Variants in PBX3 observed in about 807,000 individuals in gnomAD.
PBX3 encodes the protein pre-B-cell leukemia transcription factor 3.
PBX3 carries 14 observed loss-of-function variants against 48.5 expected under a neutral mutation model. That is an observed-to-expected ratio of 0.29 (90% CI 0.19 to 0.45). The LOEUF (loss-of-function observed/expected upper bound fraction) is 0.45, where lower values mean the gene tolerates loss of function less well. PBX3 is among the 20% of genes least tolerant of loss of function. The pLI is 1.00. For synonymous variants in PBX3, 210 were observed against 200.3 expected (o/e 1.05, Z -0.41); for missense variants, 386 against 546.7 (o/e 0.71, Z 2.93).
Position 125,826,621 on chromosome 9 carries a change from A to C in PBX3, c.274+77998A>C, listed in dbSNP as rs944014996. Among the ~76,000 whole-genome samples the C allele has an allele frequency of 3.3e-5, 5 of 152,324 alleles. No individual in the cohort carries two copies. In the South Asian group the frequency reaches 1.0e-3, roughly 32 times the overall value. ...GAAAATATATGCATAAGATATATTA[A>C]ATATTTGAAAAATATAATAAAGGTA... is the stretch of plus-strand genomic sequence containing the variant. On this transcript the variant is annotated intron_variant, in intron 2 of 8. Coordinates refer to ENST00000373489, the MANE Select transcript of PBX3 (RefSeq NM_006195.6).
chr9:125,779,809 G>C, intron 2 of PBX3, among the ~76,000 whole-genome samples: 1 of 145,032 alleles, frequency 6.9e-6, no homozygotes, highest in African/African-American at 2.6e-5. Context: ...CTGGGCAGAG[G>C]GGCTCCTCAC....
At chr9:125,773,101 G>T (rs1334487374) in intron 2 of PBX3, among the ~76,000 whole-genome samples, 2 of 152,128 alleles carry the variant, frequency 1.3e-5, no homozygotes, top group South Asian at 2.1e-4. Context: ...TCAAACAAGG[G>T]ATTGATCTGA....
chr9:125,777,782 T>C (rs756441869), intron 2 of PBX3, among the ~76,000 whole-genome samples: 1 of 152,210 alleles, frequency 6.6e-6, no homozygotes, highest in Non-Finnish European at 1.5e-5. Flanking sequence ...TTCAGATTTC[T>C]GTTTCTTCTG....
intron 2 of PBX3, among the ~76,000 whole-genome samples, chr9:125,833,868 T>A (rs1213907034): frequency 1.3e-5 from 2 of 152,236 alleles, no homozygotes; most frequent in East Asian, 3.8e-4. Flanking sequence ...TACCTTGGAA[T>A]GGGATTGCTA....
intron 2 of PBX3, among the ~76,000 whole-genome samples, chr9:125,853,903 A>G (rs1212738050): frequency 6.6e-6 from 1 of 152,178 alleles, no homozygotes; most frequent in Non-Finnish European, 1.5e-5. Flanking sequence ...TACTTTAGCT[A>G]TGCCCAATAT....
chr9:125,886,334 A>G (rs1411046001), intron 2 of PBX3, among the ~76,000 whole-genome samples: 2 of 152,164 alleles, frequency 1.3e-5, no homozygotes, highest in Non-Finnish European at 2.9e-5. Context: ...GGGGGAAGAA[A>G]GGAACACAAC....
At chr9:125,943,303 C>G (rs1841996939) in intron 5 of PBX3, among the ~76,000 whole-genome samples, 2 of 133,788 alleles carry the variant, frequency 1.5e-5, no homozygotes, top group South Asian at 4.7e-4. Context: ...TGCAGTGAGC[C>G]AAGATCATGC....
At chr9:125,826,425 C>T (rs1327908742) in intron 2 of PBX3, among the ~76,000 whole-genome samples, 2 of 152,054 alleles carry the variant, frequency 1.3e-5, no homozygotes, top group Non-Finnish European at 2.9e-5. Flanking sequence ...TCTAGCTTGT[C>T]TGGAATATTC....
At chr9:125,884,875 A>G (rs1840462379) in intron 2 of PBX3, among the ~76,000 whole-genome samples, 1 of 152,214 alleles carries the variant, frequency 6.6e-6, no homozygotes, top group Non-Finnish European at 1.5e-5. Flanking sequence ...TTGTATACCT[A>G]GATAAAAGCA....
intron 2 of PBX3, among the ~76,000 whole-genome samples, chr9:125,773,395 A>G (rs1358728851): frequency 1.3e-5 from 2 of 152,066 alleles, no homozygotes; most frequent in East Asian, 1.9e-4. Flanking sequence ...CTGATAACCT[A>G]CCTAAGTCTG....
intron 5 of PBX3, among the ~76,000 whole-genome samples, chr9:125,937,360 T>A (rs73668730): frequency 0.048 from 7,345 of 151,790 alleles, 599 homozygotes; most frequent in African/African-American, 0.17. Flanking sequence ...GTGTTTTTTT[T>A]AAAAAAAACA....
chr9:125,754,679 C>T lies in PBX3; in HGVS notation c.274+6056C>T, dbSNP rs1836465015. Among the ~76,000 whole-genome samples the T allele has an allele frequency of 2.0e-5, 3 of 152,020 alleles. No homozygotes were observed. The South Asian group carries it at 6.2e-4, about 32-fold the overall frequency. On this transcript the variant is annotated intron_variant, in intron 2 of 8. Coordinates refer to ENST00000373489, the MANE Select transcript of PBX3 (RefSeq NM_006195.6). ...GGCAGAATTGCAACAAGAATTTCTT[C>T]TGTATTATTTTTTCATAGATATATT...
intron 2 of PBX3, among the ~76,000 whole-genome samples, chr9:125,796,020 T>C (rs1046603095): frequency 6.6e-6 from 1 of 152,238 alleles, no homozygotes; most frequent in African/African-American, 2.4e-5. Flanking sequence ...GAGTCTTGAC[T>C]CTTAGGTGTA....
At chr9:125,943,237 T>A (rs976980243) in intron 5 of PBX3, among the ~76,000 whole-genome samples, 1 of 151,322 alleles carries the variant, frequency 6.6e-6, no homozygotes, top group Non-Finnish European at 1.5e-5. Context: ...ACGCCTGTAG[T>A]CCCAGCTACT....
intron 2 of PBX3, among the ~76,000 whole-genome samples, chr9:125,813,563 G>A (rs1838361041): frequency 6.6e-6 from 1 of 152,148 alleles, no homozygotes; most frequent in Non-Finnish European, 1.5e-5. Context: ...CATTAATGTT[G>A]GAACCATTGT....
chr9:125,895,016 C>T (rs1037815247), intron 2 of PBX3, among the ~76,000 whole-genome samples: 2 of 151,906 alleles, frequency 1.3e-5, no homozygotes, highest in Non-Finnish European at 2.9e-5. Flanking sequence ...CAGAATGGGT[C>T]GTGATTTTGG....
At chr9:125,787,270 A>G (rs1837483106) in intron 2 of PBX3, among the ~76,000 whole-genome samples, 1 of 152,006 alleles carries the variant, frequency 6.6e-6, no homozygotes, top group Non-Finnish European at 1.5e-5. Flanking sequence ...AGAGAAGTTT[A>G]TAAGTGGGAA....
At chr9:125,810,525 T>C (rs1262668288) in intron 2 of PBX3, among the ~76,000 whole-genome samples, 1 of 152,144 alleles carries the variant, frequency 6.6e-6, no homozygotes, top group African/African-American at 2.4e-5. Context: ...CACTTCTAAA[T>C]GTCTTCTTGT....
At chr9:125,774,159 C>G (rs1337218036) in intron 2 of PBX3, among the ~76,000 whole-genome samples, 1 of 152,172 alleles carries the variant, frequency 6.6e-6, no homozygotes, top group African/African-American at 2.4e-5. Flanking sequence ...GCCAGCGTGT[C>G]TTACGTGGCC....
Sources: allele counts gnomAD v4.1 joint callset (sites outside exome capture counted in the v4.1 genomes callset), GRCh38; gene constraint gnomAD v4.1.1; transcripts MANE v1.5; gene names NCBI Gene and HGNC (gene_info 2026-07-23, HGNC 2026-07-21).